The following RDH14 variants were observed in gnomAD, a reference collection of about 807,000 sequenced individuals.
RDH14 encodes the protein retinol dehydrogenase 14.
RDH14 carries 17 observed loss-of-function variants against 19.3 expected under a neutral mutation model. That is an observed-to-expected ratio of 0.88 (90% CI 0.60 to 1.32). The LOEUF (loss-of-function observed/expected upper bound fraction) is 1.32, where lower values mean the gene tolerates loss of function less well. Ranked by LOEUF, RDH14 falls within the 40% of genes most tolerant of loss-of-function variation. The pLI is 0.00. For missense variants in RDH14, 534 were observed against 449.2 expected (o/e 1.19, Z -1.71); for synonymous variants, 215 against 188.9 (o/e 1.14, Z -1.13).
intron 1 of RDH14, among the ~76,000 whole-genome samples, chr2:18,556,708 G>A (rs1181118027): frequency 6.6e-6 from 1 of 152,106 alleles, no homozygotes; most frequent in Non-Finnish European, 1.5e-5. Flanking sequence ...TTTCTAATTG[G>A]GATTTTCAAA....
Position 18,560,523 on chromosome 2 carries a change from A to C in RDH14, c.50T>G (p.Leu17Arg). 1.3e-6 allele frequency: 2 copies of C among 1,509,880 alleles called. No individual in the cohort carries two copies. The highest frequency in any genetic ancestry group is 2.4e-5 in the South Asian group (2 of 81,738). 93.5% of individuals were successfully genotyped at this position (1,509,880 alleles called of 1,614,324 possible). The change falls in exon 1 of 2, where the codon CTG becomes CGG. Residue 17 changes from leucine (L) to arginine (R), a missense_variant. Physicochemically the swap from Leu to Arg is moderately radical, Grantham distance 102. Transcript: ENST00000381249. ...AAVLAALGGALWLAARRFVGP... is the reference protein window; with the variant it reads ...AAVLAALGGARWLAARRFVGP... ...CACGAACCGGCGGGCCGCCAGCCAC[A>C]GCGCCCCGCCCAGAGCGGCCAGTAC... is the stretch of plus-strand genomic sequence containing the variant.
At chr2:18,557,530 A>G (rs1663955983) in intron 1 of RDH14, among the ~76,000 whole-genome samples, 1 of 152,192 alleles carries the variant, frequency 6.6e-6, no homozygotes, top group African/African-American at 2.4e-5. Flanking sequence ...GTTATCCAGC[A>G]TTCTTTGCTG....
rs1352617883 is a variant in RDH14 at position 18,559,295 on chromosome 2, C to G, written c.393+885G>C. Among the ~76,000 whole-genome samples, 4 of 152,194 alleles carry G rather than the reference C, an allele frequency of 2.6e-5. No homozygotes were observed. In the East Asian group the frequency reaches 7.7e-4, roughly 29 times the overall value. On this transcript the variant is annotated intron_variant, in intron 1 of 1. Transcript: ENST00000381249. ...TATGTGGAATTACTTACCATTTGCA[C>G]AAAGAAATCCTCACACCTCACTGCC...
Position 18,555,290 on chromosome 2 carries a change from C to T in RDH14, c.912G>A (p.Gly304=). The T allele has an allele frequency of 6.2e-7, 1 of 1,614,046 alleles. No homozygotes were observed. Among genetic ancestry groups the T allele is most frequent in the Non-Finnish European group, 8.5e-7 (1 of 1,179,972 alleles). ...GCAACAGTTCTTCCTCTTTACAATC[C>T]CCAAAGTATCTTCCTGACACTCCTT... is the stretch of plus-strand genomic sequence containing the variant. ...EVEGVSGRYF[G]DCKEEELLPK... Residue 304 remains glycine (G), a synonymous_variant, in exon 2 of 2, where the codon GGG becomes GGA. Coordinates refer to ENST00000381249, the MANE Select transcript of RDH14 (RefSeq NM_020905.4).
chr2:18,557,859 G>A lies in RDH14; in HGVS notation c.394-2051C>T, dbSNP rs184992681. 2.5e-3 allele frequency among the ~76,000 whole-genome samples: 384 copies of A among 152,278 alleles called. 4 individuals carry two copies. Among genetic ancestry groups the A allele is most frequent in the Non-Finnish European group, 4.7e-3 (319 of 68,012 alleles). ...AATGCTTCCAAAATCTCACTGATGA[G>A]TATTATTTCTTAACCTGTGTTACAC... On this transcript the variant is annotated intron_variant, in intron 1 of 1. Transcript: ENST00000381249.
chr2:18,555,943 A>G (rs1229853369), intron 1 of RDH14, 135 bp from the exon 2 acceptor site: 1 of 1,417,990 alleles, frequency 7.1e-7, no homozygotes, highest in East Asian at 2.4e-5. Flanking sequence ...TTGTTGGTCT[A>G]TCGATCAGAG....
chr2:18,557,109 A>G (rs1055884593), intron 1 of RDH14, among the ~76,000 whole-genome samples: 1 of 152,168 alleles, frequency 6.6e-6, no homozygotes, highest in African/African-American at 2.4e-5. Flanking sequence ...TCCAAATTAA[A>G]GTCCTAAAAT....
intron 1 of RDH14, among the ~76,000 whole-genome samples, chr2:18,556,953 C>T (rs1481498510): frequency 5.3e-5 from 8 of 151,968 alleles, no homozygotes; most frequent in Admixed American, 2.6e-4. Context: ...CTGGAGAGAA[C>T]ATCATGAATA....
intron 1 of RDH14, among the ~76,000 whole-genome samples, chr2:18,556,520 G>A (rs984204112): frequency 2.0e-5 from 3 of 152,282 alleles, no homozygotes; most frequent in Admixed American, 6.5e-5. Flanking sequence ...ATAGGAGCCA[G>A]GCTTTGTGCT....
At position 18,555,262 on chromosome 2, in the gene RDH14, T is replaced by C; in HGVS notation, c.940A>G (p.Lys314Glu). The C allele has an allele frequency of 6.2e-7, 1 of 1,614,156 alleles. No homozygotes were observed. Among genetic ancestry groups the C allele is most frequent in the Admixed American group, 1.7e-5 (1 of 60,026 alleles). Residue 314 changes from lysine to glutamate, a missense_variant, in exon 2 of 2, where the codon AAA becomes GAA. Lys to Glu is a moderately conservative substitution (Grantham distance 56). Transcript: ENST00000381249. Reference protein sequence around the residue: ...GDCKEEELLPKAMDESVARKL... With the variant: ...GDCKEEELLPEAMDESVARKL... ...CTTGCAACAGATTCATCCATAGCTTTGGGCAACAGTTCTTCCTCTTTACAA... is the reference window on the plus strand; with the variant it reads ...CTTGCAACAGATTCATCCATAGCTTCGGGCAACAGTTCTTCCTCTTTACAA...
intron 1 of RDH14, among the ~76,000 whole-genome samples, chr2:18,559,205 C>T (rs1349749731): frequency 6.6e-6 from 1 of 152,170 alleles, no homozygotes; most frequent in Admixed American, 6.5e-5. Flanking sequence ...GAACAAATGC[C>T]CTCTGAATGC....
In RDH14 at chr2:18,555,095, C is replaced by G; in HGVS notation, c.*96G>C. Reference sequence around the variant, plus strand: ...AGCAGGCTATTCCAATATCAAAATTCTTTTTCTTCAAGTAACAAGTTCTCA... The same window carrying G: ...AGCAGGCTATTCCAATATCAAAATTGTTTTTCTTCAAGTAACAAGTTCTCA... On this transcript the variant is annotated 3_prime_UTR_variant, in exon 2 of 2. Transcript: ENST00000381249. 6.6e-7 allele frequency: 1 copy of G among 1,511,686 alleles called. No homozygotes were observed. Among genetic ancestry groups the G allele is most frequent in the Non-Finnish European group, 8.8e-7 (1 of 1,133,346 alleles). 93.6% of individuals were successfully genotyped at this position (1,511,686 alleles called of 1,614,324 possible). A position where few individuals can be genotyped will look rare whatever the true frequency, so the allele number is the denominator to read the frequency against.
Position 18,560,356 on chromosome 2 carries a change from C to T in RDH14, c.217G>A (p.Gly73Ser). The T allele has an allele frequency of 6.9e-7, 1 of 1,442,374 alleles. No homozygotes were observed. Among genetic ancestry groups the T allele is most frequent in the Non-Finnish European group, 9.0e-7 (1 of 1,108,962 alleles). 89.3% of individuals were successfully genotyped at this position (1,442,374 alleles called of 1,614,324 possible). Residue 73 changes from glycine to serine, a missense_variant, in exon 1 of 2, where the codon GGC (glycine) becomes AGC (serine). Coordinates refer to ENST00000381249, the MANE Select transcript of RDH14 (RefSeq NM_020905.4). ...TCGGCGCGCGCGCGGTCCCGGCAGC[C>T]CATGATCACCCGCGCTCCCAGGCGC... ...LLRLGARVIM[G>S]CRDRARAEEA...
chr2:18,558,147 T>G (rs1199076805), intron 1 of RDH14, among the ~76,000 whole-genome samples: 3 of 152,174 alleles, frequency 2.0e-5, no homozygotes, highest in African/African-American at 7.2e-5. Flanking sequence ...TAGCAGTTGC[T>G]GTAATAAAAA....
chr2:18,560,393 G>A lies in RDH14; in HGVS notation c.180C>T (p.Ala60=). 2.7e-6 allele frequency: 4 copies of A among 1,482,228 alleles called. No homozygotes were observed. Among genetic ancestry groups the A allele is most frequent in the Non-Finnish European group, 3.6e-6 (4 of 1,125,562 alleles). 91.8% of individuals were successfully genotyped at this position (1,482,228 alleles called of 1,614,324 possible). A position where few individuals can be genotyped will look rare whatever the true frequency, so the allele number is the denominator to read the frequency against. ...GCGCTCCCAGGCGCAGTAGCTCGGC[G>A]GCCGTGGCGCGGCCCAGGCCGCTGT... ...GANSGLGRAT[A]AELLRLGARV... is the part of the protein sequence containing the mutation. The change falls in exon 1 of 2, where the codon GCC becomes GCT. Residue 60 remains alanine (A), a synonymous_variant. Transcript: ENST00000381249.
Position 18,560,337 on chromosome 2 carries a change from C to T in RDH14, c.236G>A (p.Arg79His). Residue 79 changes from arginine to histidine, a missense_variant, in exon 1 of 2, where the codon CGC becomes CAC. Transcript: ENST00000381249. ...RVIMGCRDRA[R>H]AEEAAGQLRR... is the part of the protein sequence containing the mutation. ...GAGCTGACCCGCCGCCTCCTCGGCG[C>T]GCGCGCGGTCCCGGCAGCCCATGAT... The T allele has an allele frequency of 1.4e-6, 2 of 1,409,582 alleles. No homozygotes were observed. The highest frequency in any genetic ancestry group is 1.8e-6 in the Non-Finnish European group (2 of 1,094,658). The allele number at this position is 1,409,582 out of a possible 1,614,324, so 87.3% of individuals were successfully genotyped here.
chr2:18,560,204 G>A lies in RDH14; in HGVS notation c.369C>T (p.Arg123=). The A allele has an allele frequency of 1.3e-6, 2 of 1,527,694 alleles. No individual in the cohort carries two copies. Among genetic ancestry groups the A allele is most frequent in the Non-Finnish European group, 1.7e-6 (2 of 1,143,876 alleles). 94.6% of individuals were successfully genotyped at this position (1,527,694 alleles called of 1,614,324 possible). A position where few individuals can be genotyped will look rare whatever the true frequency, so the allele number is the denominator to read the frequency against. The change falls in exon 1 of 2, where the codon CGC becomes CGT. Residue 123 remains arginine, a synonymous_variant. Coordinates refer to ENST00000381249, the MANE Select transcript of RDH14 (RefSeq NM_020905.4). ...ELDLASLRSV[R]AFCQEMLQEE... ...CCTGGAGCATTTCCTGGCAGAAGGC[G>A]CGCACCGAGCGCAGCGAGGCGAGGT...
chr2:18,557,889 T>G (rs1663965875), intron 1 of RDH14, among the ~76,000 whole-genome samples: 1 of 152,220 alleles, frequency 6.6e-6, no homozygotes, highest in Admixed American at 6.5e-5. Context: ...TTACACATAA[T>G]TAAATACTAG....
At position 18,555,728 on chromosome 2, in the gene RDH14, C is replaced by G; in HGVS notation, c.474G>C (p.Glu158Asp). ...CCAGATGGTTCACTCCGAACTGCAT[C>G]TCAAACCCATCTTCAGTCTTCATGT... Reference protein sequence around the residue: ...CPYMKTEDGFEMQFGVNHLGH... With the variant: ...CPYMKTEDGFDMQFGVNHLGH... Residue 158 changes from glutamate (E) to aspartate (D), a missense_variant, in exon 2 of 2, where the codon GAG (glutamate) becomes GAC (aspartate). By Grantham distance (45) the Glu-to-Asp change is conservative. Coordinates refer to ENST00000381249, the MANE Select transcript of RDH14 (RefSeq NM_020905.4). The G allele has an allele frequency of 6.2e-7, 1 of 1,614,102 alleles. No homozygotes were observed. Among genetic ancestry groups the G allele is most frequent in the Non-Finnish European group, 8.5e-7 (1 of 1,179,940 alleles).
Sources: gnomAD v4.1 joint callset for allele counts (sites outside exome capture counted in the v4.1 genomes callset) on GRCh38, gnomAD v4.1.1 for gene constraint, MANE v1.5 for transcripts, NCBI Gene and HGNC (gene_info 2026-07-23, HGNC 2026-07-21) for gene names.